Variants in DPYD observed in about 807,000 individuals in gnomAD.
DPYD encodes the protein dihydropyrimidine dehydrogenase [NADP(+)].
A neutral mutation model predicts 116.2 loss-of-function variants in DPYD; 109 were observed. The observed-to-expected ratio is 0.94, with a 90% CI of 0.80 to 1.10. The LOEUF (loss-of-function observed/expected upper bound fraction) is 1.10, where lower values mean the gene tolerates loss of function less well. Ranked by LOEUF, DPYD falls within the 50% of genes least tolerant of loss-of-function variation. DPYD has a pLI of 0.00. For synonymous variants in DPYD, 440 were observed against 432.0 expected (o/e 1.02, Z -0.23); for missense variants, 1,302 against 1,254.5 (o/e 1.04, Z -0.57).
chr1:97,291,214 TAAG>T (rs1666137961), intron 18 of DPYD, among the ~76,000 whole-genome samples: 1 of 152,040 alleles, frequency 6.6e-6, no homozygotes, highest in African/African-American at 2.4e-5. Flanking sequence ...TGTGGAGAAA[TAAG>T]AACACTTTTA....
chr1:97,700,932 A>G (rs1219284162), intron 5 of DPYD, among the ~76,000 whole-genome samples: 1 of 151,538 alleles, frequency 6.6e-6, no homozygotes, highest in Admixed American at 6.6e-5. Flanking sequence ...TTAAAAACAC[A>G]TTATTAAAAT....
chr1:97,760,853 G>A (rs964486410), intron 3 of DPYD, among the ~76,000 whole-genome samples: 8 of 152,084 alleles, frequency 5.3e-5, no homozygotes, highest in Admixed American at 5.2e-4. Context: ...GCCTCAGGTG[G>A]GGGACTGTAG....
intron 13 of DPYD, among the ~76,000 whole-genome samples, chr1:97,451,241 T>G (rs1317318490): frequency 6.6e-6 from 1 of 152,054 alleles, no homozygotes; most frequent in African/African-American, 2.4e-5. Flanking sequence ...TCCAACTAGA[T>G]AGACAGGAAA....
At chr1:97,719,670 A>T (rs1343748166) in intron 5 of DPYD, 1 of 980,958 alleles carries the variant, frequency 1.0e-6, no homozygotes, top group East Asian at 1.1e-4. Flanking sequence ...AAATTTAAGT[A>T]AACCACACAC....
intron 16 of DPYD, among the ~76,000 whole-genome samples, chr1:97,370,398 C>T (rs1159647022): frequency 6.6e-6 from 1 of 152,076 alleles, no homozygotes; most frequent in Non-Finnish European, 1.5e-5. Context: ...GAAACATCAT[C>T]ACACACCGGG....
intron 8 of DPYD, among the ~76,000 whole-genome samples, chr1:97,639,255 T>A (rs1657743290): frequency 6.6e-6 from 1 of 152,164 alleles, no homozygotes; most frequent in Non-Finnish European, 1.5e-5. Context: ...ACATTATAGA[T>A]GATTGGTATA....
chr1:97,540,527 G>A (rs555773014), intron 12 of DPYD, among the ~76,000 whole-genome samples: 11 of 152,222 alleles, frequency 7.2e-5, no homozygotes, highest in African/African-American at 1.7e-4. Flanking sequence ...TGGAGCTGGG[G>A]TGTGCCACCT....
intron 18 of DPYD, among the ~76,000 whole-genome samples, chr1:97,299,775 G>A (rs932311549): frequency 6.6e-6 from 1 of 152,070 alleles, no homozygotes; most frequent in Non-Finnish European, 1.5e-5. Context: ...AACATGAACA[G>A]TGAAGATTTG....
chr1:97,202,616 G>C (rs1405564440), intron 19 of DPYD, among the ~76,000 whole-genome samples: 1 of 152,164 alleles, frequency 6.6e-6, no homozygotes, highest in Admixed American at 6.5e-5. Context: ...CTATTCAGAA[G>C]AGCATTTGTG....
chr1:97,458,382 A>G (rs1202488784), intron 13 of DPYD, among the ~76,000 whole-genome samples: 1 of 152,172 alleles, frequency 6.6e-6, no homozygotes, highest in East Asian at 1.9e-4. Flanking sequence ...AATATAACAC[A>G]TATAAACCTA....
chr1:97,737,654 C>T (rs1038286706), intron 4 of DPYD, among the ~76,000 whole-genome samples: 1 of 152,042 alleles, frequency 6.6e-6, no homozygotes, highest in Non-Finnish European at 1.5e-5. Flanking sequence ...GCAGAAAGCA[C>T]CAAATCTATT....
At chr1:97,792,091 T>A (rs1667348354) in intron 3 of DPYD, among the ~76,000 whole-genome samples, 2 of 152,168 alleles carry the variant, frequency 1.3e-5, no homozygotes, top group African/African-American at 4.8e-5. Context: ...TTATGCATAG[T>A]CATAATGCAG....
intron 10 of DPYD, among the ~76,000 whole-genome samples, chr1:97,589,476 G>A (rs867133652): frequency 1.5e-4 from 23 of 152,080 alleles, no homozygotes; most frequent in African/African-American, 5.3e-4. Flanking sequence ...TGTGAAGAAG[G>A]TGCCTTGCTT....
At chr1:97,251,226 A>T (rs369868822) in intron 18 of DPYD, among the ~76,000 whole-genome samples, 25 of 151,768 alleles carry the variant, frequency 1.6e-4, no homozygotes, top group African/African-American at 6.0e-4. Flanking sequence ...GTGAAAACCC[A>T]TCTCCAGTAA....
chr1:97,783,101 G>A (rs577253866), intron 3 of DPYD, among the ~76,000 whole-genome samples: 2 of 152,176 alleles, frequency 1.3e-5, no homozygotes, highest in South Asian at 2.1e-4. Context: ...CAGAGCCAAC[G>A]CTGTTGAACA....
At chr1:97,120,340 C>T (rs1171949340) in intron 20 of DPYD, among the ~76,000 whole-genome samples, 1 of 152,080 alleles carries the variant, frequency 6.6e-6, no homozygotes, top group Non-Finnish European at 1.5e-5. Flanking sequence ...CTAACAGGAC[C>T]GATTATCAAT....
intron 8 of DPYD, among the ~76,000 whole-genome samples, chr1:97,636,398 C>T (rs1289158593): frequency 3.3e-5 from 5 of 152,118 alleles, no homozygotes; most frequent in South Asian, 2.1e-4. Context: ...TGAGTCCTAC[C>T]GCTTACAGCT....
rs189072268 is a variant in DPYD, at chr1:97,266,711, G to A, written c.2300-31717C>T. 3.9e-5 allele frequency among the ~76,000 whole-genome samples: 6 copies of A among 152,066 alleles called. No individual in the cohort carries two copies. In the East Asian group the frequency reaches 1.2e-3, roughly 30 times the overall value. On this transcript the variant is annotated intron_variant, in intron 18 of 22. Transcript: ENST00000370192. The stretch of plus-strand genomic sequence containing the variant: ...CACCTCATGACAGGCCCCAGTGTCT[G>A]ATGTTCTCTGCCCTGTGTCCAAGTG...
In DPYD at chr1:97,921,030, A is replaced by G. The variant is rs886046581; in HGVS notation, c.-108T>C. 42 of 1,402,478 alleles carry G rather than the reference A, an allele frequency of 3.0e-5. No individual in the cohort carries two copies. Among genetic ancestry groups the G allele is most frequent in the Admixed American group, 1.4e-4 (7 of 48,898 alleles). The allele number at this position is 1,402,478 out of a possible 1,614,324, so 86.9% of individuals were successfully genotyped here. ...GCCGGAGCGCGAGTCGAAAACAGGC[A>G]GACTAGGGCCGGCGGCGCGGGGGCG... On this transcript the variant is annotated 5_prime_UTR_variant, in exon 1 of 23. Coordinates refer to ENST00000370192, the MANE Select transcript of DPYD (RefSeq NM_000110.4).
Sources: gnomAD v4.1 joint callset for allele counts (sites outside exome capture counted in the v4.1 genomes callset) on GRCh38, gnomAD v4.1.1 for gene constraint, MANE v1.5 for transcripts, NCBI Gene and HGNC (gene_info 2026-07-23, HGNC 2026-07-21) for gene names.